WHRN: variants seen among roughly 807,000 people sequenced by gnomAD.
WHRN encodes the protein CASK-interacting protein CIP98.
A neutral mutation model predicts 68.3 loss-of-function variants in WHRN; 41 were observed. The observed-to-expected ratio is 0.60, with a 90% CI of 0.47 to 0.78. The LOEUF (loss-of-function observed/expected upper bound fraction) is 0.78. Ranked by LOEUF, WHRN falls within the 30% of genes least tolerant of loss-of-function variation. The probability of loss-of-function intolerance (pLI) is 0.00; values close to 1 mark genes in which losing one functional copy is unlikely to be tolerated. For missense variants in WHRN, 1,243 were observed against 1,244.7 expected, an observed-to-expected ratio of 1.00 and a Z score of 0.02; for synonymous variants, 560 against 561.3, an observed-to-expected ratio of 1.00 and a Z score of 0.03.
Position 114,504,021 on chromosome 9 carries a change from T to G in WHRN, c.618+163A>C, listed in dbSNP as rs542408065. Among the ~76,000 whole-genome samples, 5 of 151,886 alleles carry G rather than the reference T, an allele frequency of 3.3e-5. No homozygotes were observed. The South Asian group carries it at 1.0e-3, about 32-fold the overall frequency. On this transcript the variant is annotated intron_variant, in intron 1 of 11. Coordinates refer to ENST00000362057, the MANE Select transcript of WHRN (RefSeq NM_015404.4). ...TACGTTCCCAGTGCCTGAGAGCTAT[T>G]TGCTCTGTAAGCTATACATTCCTGT... is the stretch of plus-strand genomic sequence containing the variant.
At chr9:114,478,219 C>G (rs1841809904) in intron 2 of WHRN, 1 of 629,944 alleles carries the variant, frequency 1.6e-6, no homozygotes, top group African/African-American at 1.8e-5. Context: ...ACCCTGGAGG[C>G]AGAGGTTGCA....
At chr9:114,501,001 T>A (rs1843873005) in intron 1 of WHRN, among the ~76,000 whole-genome samples, 3 of 152,188 alleles carry the variant, frequency 2.0e-5, no homozygotes, top group Non-Finnish European at 4.4e-5. Flanking sequence ...ACATTCTAAA[T>A]GCCTCCTGTG....
intron 3 of WHRN, among the ~76,000 whole-genome samples, chr9:114,443,092 A>G (rs1273484670): frequency 3.3e-5 from 5 of 152,148 alleles, no homozygotes. Context: ...GAATCCTCCA[A>G]CTCCTACCAA....
At chr9:114,490,817 A>G (rs1842914047) in intron 1 of WHRN, among the ~76,000 whole-genome samples, 1 of 152,268 alleles carries the variant, frequency 6.6e-6, no homozygotes, top group Non-Finnish European at 1.5e-5. Flanking sequence ...GAAATTTGCA[A>G]CAAAGTGACA....
intron 9 of WHRN, among the ~76,000 whole-genome samples, chr9:114,404,536 C>A (rs1350497765): frequency 6.6e-6 from 1 of 152,206 alleles, no homozygotes; most frequent in Non-Finnish European, 1.5e-5. Context: ...CTAGCCTGAA[C>A]CCCTGCATGG....
chr9:114,467,569 C>A (rs1452092914), intron 2 of WHRN, among the ~76,000 whole-genome samples: 1 of 152,060 alleles, frequency 6.6e-6, no homozygotes. Context: ...CAAGTCAGTG[C>A]TCAGGAGAGC....
At chr9:114,446,525 G>A (rs533937778) in intron 3 of WHRN, among the ~76,000 whole-genome samples, 1 of 152,146 alleles carries the variant, frequency 6.6e-6, no homozygotes, top group Non-Finnish European at 1.5e-5. Flanking sequence ...AAAAACAAAC[G>A]ATGGTAATAA....
intron 3 of WHRN, among the ~76,000 whole-genome samples, chr9:114,448,843 C>G (rs1461455278): frequency 1.3e-5 from 2 of 152,176 alleles, no homozygotes; most frequent in African/African-American, 4.8e-5. Context: ...GGAGCAGAGA[C>G]ACATCACCCC....
chr9:114,469,558 T>TG (rs1841019305), intron 2 of WHRN, among the ~76,000 whole-genome samples: 1 of 152,166 alleles, frequency 6.6e-6, no homozygotes, highest in African/African-American at 2.4e-5. Flanking sequence ...TAGTGGCTGA[T>TG]GGCGGTGGGT....
chr9:114,425,414 G>A, intron 4 of WHRN: 1 of 547,514 alleles, frequency 1.8e-6, no homozygotes, highest in Non-Finnish European at 3.2e-6. Context: ...GCAACTCGCA[G>A]GTGCGGCTCA....
Position 114,424,972 on chromosome 9 carries a change from T to TTAGAGGATG in WHRN, c.1203+7_1203+15dup. ...GCTGTGAGGAAGCAGAGAATACCCC[T>TTAGAGGATG]TAGAGGATGTCCTACCTTGTTTATT... On this transcript the variant is annotated intron_variant, in intron 5 of 11. Coordinates refer to ENST00000362057, the MANE Select transcript of WHRN (RefSeq NM_015404.4). 6.2e-7 allele frequency: 1 copy of TTAGAGGATG among 1,613,774 alleles called. No homozygotes were observed. Among genetic ancestry groups the TTAGAGGATG allele is most frequent in the East Asian group, 2.2e-5 (1 of 44,868 alleles).
intron 9 of WHRN, among the ~76,000 whole-genome samples, chr9:114,404,990 T>C (rs1185955016): frequency 1.3e-5 from 2 of 151,518 alleles, no homozygotes; most frequent in Non-Finnish European, 2.9e-5. Context: ...GCAGGGGCCA[T>C]GCAGAGGTTC....
At chr9:114,463,129 C>G (rs1840381875) in intron 3 of WHRN, among the ~76,000 whole-genome samples, 2 of 152,238 alleles carry the variant, frequency 1.3e-5, no homozygotes, top group African/African-American at 2.4e-5. Context: ...CAGAGGAAAA[C>G]TGTTCTGAGG....
rs553169173 is a variant in WHRN, at chr9:114,432,691, C to A, written c.964-6278G>T. Among the ~76,000 whole-genome samples the A allele has an allele frequency of 2.0e-5, 3 of 152,306 alleles. No individual in the cohort carries two copies. The South Asian group carries it at 6.2e-4, about 32-fold the overall frequency. On this transcript the variant is annotated intron_variant, in intron 3 of 11. Coordinates refer to ENST00000362057, the MANE Select transcript of WHRN (RefSeq NM_015404.4). ...AGTTAATACATTCCCCAGTGTATCA[C>A]CAACACTTAAAACAGGGTCTGGCAC...
chr9:114,403,711 A>T (rs1834826469), intron 10 of WHRN, among the ~76,000 whole-genome samples, 185 bp downstream of exon 10: 1 of 152,230 alleles, frequency 6.6e-6, no homozygotes, highest in African/African-American at 2.4e-5. Flanking sequence ...GGCAGAGCTG[A>T]AACTGGGCCT....
chr9:114,503,894 C>T (rs888467934), intron 1 of WHRN, among the ~76,000 whole-genome samples: 4 of 152,204 alleles, frequency 2.6e-5, no homozygotes, highest in African/African-American at 9.7e-5. Flanking sequence ...AATCCACAGC[C>T]CTATTCACAC....
intron 2 of WHRN, among the ~76,000 whole-genome samples, chr9:114,472,521 C>T (rs1469271558): frequency 2.0e-5 from 3 of 152,176 alleles, no homozygotes; most frequent in African/African-American, 7.2e-5. Context: ...TAACACTGCC[C>T]CACGCACACA....
chr9:114,417,231 C>A (rs1450966357), intron 7 of WHRN, among the ~76,000 whole-genome samples: 1 of 152,182 alleles, frequency 6.6e-6, no homozygotes. Context: ...GCAGAATGAG[C>A]CACATTTAAC....
chr9:114,407,957 T>A lies in WHRN; in HGVS notation c.1688A>T (p.Asp563Val), dbSNP rs754316021. 3.1e-6 allele frequency: 5 copies of A among 1,602,220 alleles called. No individual in the cohort carries two copies. The highest frequency in any genetic ancestry group is 2.7e-5 in the African/African-American group (2 of 74,656). ...CAGCCAGGGCCTTACCACGGACACA[T>A]CTGGGAGGGCGTTGATATTGCCCTG... ...AVQGNINALP[D>V]VSVDDVRSTS... Residue 563 changes from aspartate to valine, a missense_variant, in exon 8 of 12, where the codon GAT (aspartate) becomes GTT (valine). Physicochemically the swap from Asp to Val is radical, Grantham distance 152. Coordinates refer to ENST00000362057, the MANE Select transcript of WHRN (RefSeq NM_015404.4).
Sources: allele counts gnomAD v4.1 joint callset (sites outside exome capture counted in the v4.1 genomes callset), GRCh38; gene constraint gnomAD v4.1.1; transcripts MANE v1.5; gene names NCBI Gene and HGNC (gene_info 2026-07-23, HGNC 2026-07-21).